The following ABCG8 variants were observed in gnomAD, a reference collection of about 807,000 sequenced individuals.
The protein encoded by ABCG8 is ATP binding cassette subfamily G member 8.
A neutral mutation model predicts 71.3 loss-of-function variants in ABCG8; 81 were observed. The observed-to-expected ratio is 1.14, with a 90% confidence interval of 0.95 to 1.37. The LOEUF is 1.37. Ranked by LOEUF, ABCG8 falls within the 40% of genes most tolerant of loss-of-function variation. ABCG8 has a pLI of 0.00. For synonymous variants in ABCG8, 451 were observed against 354.7 expected (o/e 1.27, Z -3.05); for missense variants, 1,119 against 866.2 (o/e 1.29, Z -3.66).
At chr2:43,873,259 G>A (rs976845641) in intron 8 of ABCG8, among the ~76,000 whole-genome samples, 18 of 151,248 alleles carry the variant, frequency 1.2e-4, no homozygotes, top group African/African-American at 3.4e-4. Flanking sequence ...GGCAATCTTG[G>A]CTCACTGCAA....
At chr2:43,856,949 A>G (rs1337070448) in intron 6 of ABCG8, among the ~76,000 whole-genome samples, 1 of 151,460 alleles carries the variant, frequency 6.6e-6, no homozygotes, top group East Asian at 2.0e-4. Context: ...CTTTCTGGAT[A>G]GAACTCTCAG....
chr2:43,874,482 A>C lies in ABCG8; in HGVS notation c.1487A>C (p.Lys496Thr). 1.2e-6 allele frequency: 2 copies of C among 1,610,916 alleles called. No homozygotes were observed. Among genetic ancestry groups the C allele is most frequent in the Non-Finnish European group, 1.7e-6 (2 of 1,178,914 alleles). ...LYTTGPYFFA[K>T]ILGELPEHCA... is the part of the protein sequence containing the mutation. ...ACCACTGGTCCATATTTCTTTGCCA[A>C]GGTGACTGGGCAGGGTTGAGAGCAA... Residue 496 changes from lysine to threonine, a missense_variant and splice_region_variant, in exon 10 of 13, where the codon AAG (lysine) becomes ACG (threonine). Coordinates refer to ENST00000272286, the MANE Select transcript of ABCG8 (RefSeq NM_022437.3).
rs1251421789 is a variant in ABCG8, at chr2:43,878,037, G to A, written c.*124G>A. ...ACCCTACAGATGCTCAGCTACATCC[G>A]GCCCAGGGTGCTGCAGTGGCACAGA... On this transcript the variant is annotated 3_prime_UTR_variant, in exon 13 of 13. Coordinates refer to ENST00000272286, the MANE Select transcript of ABCG8 (RefSeq NM_022437.3). The A allele has an allele frequency of 1.4e-6, 2 of 1,439,480 alleles. No individual in the cohort carries two copies. The highest frequency in any genetic ancestry group is 1.9e-5 in the Admixed American group (1 of 52,560). 89.2% of individuals were successfully genotyped at this position (1,439,480 alleles called of 1,614,324 possible). A position where few individuals can be genotyped will look rare whatever the true frequency, so the allele number is the denominator to read the frequency against.
At chr2:43,875,896 C>T (rs963655619) in intron 11 of ABCG8, among the ~76,000 whole-genome samples, 1 of 152,174 alleles carries the variant, frequency 6.6e-6, no homozygotes, top group African/African-American at 2.4e-5. Context: ...TCCCTGCGGC[C>T]TCCCCAGCTT....
At position 43,874,158 on chromosome 2, in the gene ABCG8, G is replaced by A. The variant is rs1013255392; in HGVS notation, c.1411+172G>A. On this transcript the variant is annotated intron_variant, in intron 9 of 12. Transcript: ENST00000272286. ...CATACAAATGAAAGTAAATTACCGAGTCTTAGCTGTTCCTATCCTAGCAGG... is the reference window on the plus strand; with the variant it reads ...CATACAAATGAAAGTAAATTACCGAATCTTAGCTGTTCCTATCCTAGCAGG... 8.7e-4 allele frequency among the ~76,000 whole-genome samples: 133 copies of A among 152,250 alleles called. 1 individual carries two copies. Among genetic ancestry groups the A allele is most frequent in the Non-Finnish European group, 1.7e-3 (119 of 68,036 alleles).
chr2:43,843,189 G>C (rs1257919761), intron 1 of ABCG8, among the ~76,000 whole-genome samples: 6 of 149,110 alleles, frequency 4.0e-5, no homozygotes, highest in Admixed American at 4.0e-4. Context: ...CAAAATCTAA[G>C]CTTTTCAACG....
chr2:43,854,218 G>A (rs530523377), intron 6 of ABCG8, among the ~76,000 whole-genome samples: 32 of 152,320 alleles, frequency 2.1e-4, no homozygotes, highest in African/African-American at 7.7e-4. Flanking sequence ...AGCTACACGG[G>A]GCCTGGGTTA....
At chr2:43,855,147 T>C (rs1669058806) in intron 6 of ABCG8, among the ~76,000 whole-genome samples, 1 of 152,150 alleles carries the variant, frequency 6.6e-6, no homozygotes, top group Non-Finnish European at 1.5e-5. Context: ...GAATTCTCAT[T>C]CTCTGGATAG....
intron 6 of ABCG8, among the ~76,000 whole-genome samples, chr2:43,855,617 G>A (rs575659004): frequency 2.0e-5 from 3 of 152,036 alleles, no homozygotes; most frequent in South Asian, 2.1e-4. Flanking sequence ...TCACTCTCTG[G>A]ATAGAAATCT....
intron 5 of ABCG8, 48 bp downstream of exon 5, chr2:43,852,534 C>T (rs1668959463): frequency 1.2e-6 from 2 of 1,613,862 alleles, no homozygotes; most frequent in African/African-American, 1.3e-5. Context: ...GTGCGGTCCC[C>T]TCAGGCTTGG....
At chr2:43,871,795 C>T (rs1024023975) in intron 6 of ABCG8, among the ~76,000 whole-genome samples, 181 bp from the exon 7 acceptor site, 2 of 152,232 alleles carry the variant, frequency 1.3e-5, no homozygotes, top group Non-Finnish European at 2.9e-5. Flanking sequence ...GAAGGACCAG[C>T]CCTTGGGGTC....
chr2:43,849,926 AC>A (rs1462545162), intron 3 of ABCG8, among the ~76,000 whole-genome samples: 4 of 152,154 alleles, frequency 2.6e-5, no homozygotes, highest in Admixed American at 2.6e-4. Context: ...GGGGCCGGGC[AC>A]GGTGGCTCAC....
chr2:43,839,676 C>T (rs1668502345), intron 1 of ABCG8, among the ~76,000 whole-genome samples: 2 of 152,136 alleles, frequency 1.3e-5, no homozygotes, highest in Admixed American at 1.3e-4. Context: ...CCCTCCTCGG[C>T]CTCCCAAAGT....
intron 6 of ABCG8, among the ~76,000 whole-genome samples, chr2:43,864,396 C>T (rs1669446357): frequency 1.3e-5 from 2 of 151,730 alleles, no homozygotes; most frequent in South Asian, 4.1e-4. Flanking sequence ...CTGGATAGCA[C>T]TCACTATCTG....
In ABCG8 at chr2:43,839,067, C is replaced by T. The variant is rs1447413028; in HGVS notation, c.14C>T (p.Ala5Val). Reference protein sequence around the residue: MAGKAAEERGLPKGA... With the variant: MAGKVAEERGLPKGA... ...CCTGTGGGCCCCATGGCCGGGAAGGCGGCAGAGGAGAGAGGGCTGCCGAAA... is the reference window on the plus strand; with the variant it reads ...CCTGTGGGCCCCATGGCCGGGAAGGTGGCAGAGGAGAGAGGGCTGCCGAAA... The change falls in exon 1 of 13, where the codon GCG (alanine) becomes GTG (valine). Residue 5 changes from alanine (A) to valine (V), a missense_variant. By Grantham distance (64) the Ala-to-Val change is moderately conservative. Coordinates refer to ENST00000272286, the MANE Select transcript of ABCG8 (RefSeq NM_022437.3). 5.8e-6 allele frequency: 9 copies of T among 1,551,020 alleles called. No individual in the cohort carries two copies. The highest frequency in any genetic ancestry group is 2.0e-5 in the Admixed American group (1 of 50,990).
intron 6 of ABCG8, among the ~76,000 whole-genome samples, chr2:43,857,235 G>T (rs1669143854): frequency 6.6e-6 from 1 of 151,068 alleles, no homozygotes; most frequent in Admixed American, 6.6e-5. Context: ...TGTCTGGATA[G>T]AATTCTCACC....
chr2:43,874,494 A>C lies in ABCG8; in HGVS notation c.1488+11A>C, dbSNP rs1436462116. On this transcript the variant is annotated intron_variant, in intron 10 of 12. Coordinates refer to ENST00000272286, the MANE Select transcript of ABCG8 (RefSeq NM_022437.3). ...TATTTCTTTGCCAAGGTGACTGGGC[A>C]GGGTTGAGAGCAAGTGCCCCCCACC... The C allele has an allele frequency of 1.9e-6, 3 of 1,584,148 alleles. No homozygotes were observed. The South Asian group carries it at 3.4e-5, about 18-fold the overall frequency.
chr2:43,872,364 A>T, intron 8 of ABCG8, 58 bp downstream of exon 8: 1 of 1,522,080 alleles, frequency 6.6e-7, no homozygotes, highest in Non-Finnish European at 9.0e-7. Flanking sequence ...TTTGTATATC[A>T]CATTAAGCCC....
chr2:43,846,354 G>C (rs747918204), intron 3 of ABCG8, 43 bp downstream of exon 3: 1 of 1,613,490 alleles, frequency 6.2e-7, no homozygotes, highest in Non-Finnish European at 8.5e-7. Flanking sequence ...TCTCTCCTGG[G>C]ATACAGAATG....
Sources: allele counts gnomAD v4.1 joint callset (sites outside exome capture counted in the v4.1 genomes callset), GRCh38; gene constraint gnomAD v4.1.1; transcripts MANE v1.5; gene names NCBI Gene and HGNC (gene_info 2026-07-23, HGNC 2026-07-21).